LRRC4C: variants seen among roughly 807,000 people sequenced by gnomAD.
LRRC4C encodes the protein leucine-rich repeat-containing protein 4C.
In LRRC4C, 5 loss-of-function variants were observed where a neutral mutation model predicts 33.6. The observed-to-expected ratio is 0.15, with a 90% CI of 0.08 to 0.31. The LOEUF (loss-of-function observed/expected upper bound fraction) is 0.31, where lower values mean the gene tolerates loss of function less well. Ranked by LOEUF, LRRC4C falls within the 10% of genes least tolerant of loss-of-function variation. The probability of loss-of-function intolerance (pLI) is 1.00; values close to 1 mark genes in which losing one functional copy is unlikely to be tolerated. For missense variants in LRRC4C, 560 were observed against 796.7 expected, an observed-to-expected ratio of 0.70 and a Z score of 3.58; for synonymous variants, 329 against 302.0, an observed-to-expected ratio of 1.09 and a Z score of -0.93.
chr11:40,645,438 C>T (rs1353972268), intron 3 of LRRC4C, among the ~76,000 whole-genome samples: 1 of 152,046 alleles, frequency 6.6e-6, no homozygotes, highest in Non-Finnish European at 1.5e-5. Flanking sequence ...TTTTCCTTTG[C>T]CACCTGGCTC....
chr11:40,863,330 A>C (rs1954194849), intron 2 of LRRC4C, among the ~76,000 whole-genome samples: 1 of 152,308 alleles, frequency 6.6e-6, no homozygotes, highest in African/African-American at 2.4e-5. Context: ...AGAAAATGGA[A>C]AGGCTCATTC....
intron 1 of LRRC4C, among the ~76,000 whole-genome samples, chr11:41,081,907 G>A (rs912189469): frequency 2.0e-5 from 3 of 152,188 alleles, no homozygotes; most frequent in Non-Finnish European, 4.4e-5. Flanking sequence ...ATTTATGGCT[G>A]CTCTGGGATA....
intron 3 of LRRC4C, among the ~76,000 whole-genome samples, chr11:40,553,233 G>C (rs894406158): frequency 6.6e-6 from 1 of 151,914 alleles, no homozygotes; most frequent in Non-Finnish European, 1.5e-5. Flanking sequence ...TATCGCGCCA[G>C]TGCACTCCAG....
intron 1 of LRRC4C, among the ~76,000 whole-genome samples, chr11:41,232,476 CCTGGTTATCAATCA>C (rs1441258546): frequency 4.6e-5 from 7 of 151,960 alleles, no homozygotes; most frequent in Non-Finnish European, 1.0e-4. Flanking sequence ...GGTGGGGATT[CCTGGTTATCAATCA>C]CTGTTTTAAA....
chr11:41,310,895 CT>C (rs1950625837), intron 1 of LRRC4C, among the ~76,000 whole-genome samples: 1 of 152,188 alleles, frequency 6.6e-6, no homozygotes, highest in Non-Finnish European at 1.5e-5. Context: ...CTTTAGTACA[CT>C]GGTTCTAATA....
At chr11:40,451,680 C>G (rs932301532) in intron 3 of LRRC4C, among the ~76,000 whole-genome samples, 1 of 151,878 alleles carries the variant, frequency 6.6e-6, no homozygotes, top group African/African-American at 2.4e-5. Context: ...CCACTGCACC[C>G]GGCCAGAAAT....
chr11:41,101,327 A>G (rs533196817), intron 1 of LRRC4C, among the ~76,000 whole-genome samples: 4 of 152,262 alleles, frequency 2.6e-5, no homozygotes, highest in African/African-American at 7.2e-5. Flanking sequence ...ACCATTTAAA[A>G]GTGGACAAAG....
chr11:41,230,334 G>A (rs987613956), intron 1 of LRRC4C, among the ~76,000 whole-genome samples: 3 of 152,080 alleles, frequency 2.0e-5, no homozygotes, highest in African/African-American at 7.2e-5. Context: ...ACCTTGGAAT[G>A]AGGCACTGTC....
intron 1 of LRRC4C, among the ~76,000 whole-genome samples, chr11:41,350,038 T>C (rs1450566322): frequency 6.6e-6 from 1 of 152,124 alleles, no homozygotes; most frequent in Non-Finnish European, 1.5e-5. Flanking sequence ...CAGTATCACA[T>C]GTCATAAGTC....
chr11:40,552,996 T>G (rs1277866723), intron 3 of LRRC4C, among the ~76,000 whole-genome samples: 1 of 152,056 alleles, frequency 6.6e-6, no homozygotes, highest in Non-Finnish European at 1.5e-5. Context: ...TCAGGCCGGG[T>G]GCGGTAACTC....
intron 2 of LRRC4C, among the ~76,000 whole-genome samples, chr11:40,839,305 G>T (rs966577970): frequency 1.3e-5 from 2 of 151,996 alleles, no homozygotes; most frequent in African/African-American, 4.8e-5. Context: ...CACAATCTCG[G>T]CTTACTGCAA....
chr11:40,414,794 C>T (rs991855420), intron 3 of LRRC4C, among the ~76,000 whole-genome samples: 3 of 151,948 alleles, frequency 2.0e-5, no homozygotes, highest in African/African-American at 7.3e-5. Context: ...CAGACACAAC[C>T]AGAAGAGGAG....
At chr11:40,353,121 T>G (rs983123375) in intron 3 of LRRC4C, among the ~76,000 whole-genome samples, 3 of 152,190 alleles carry the variant, frequency 2.0e-5, no homozygotes, top group Admixed American at 2.0e-4. Context: ...AATATCTTTC[T>G]CTAGGTATAA....
chr11:41,078,842 A>T (rs566384308), intron 1 of LRRC4C, among the ~76,000 whole-genome samples: 1 of 152,036 alleles, frequency 6.6e-6, no homozygotes, highest in Non-Finnish European at 1.5e-5. Context: ...CTGTATCTTC[A>T]ATTTCTAAAT....
At chr11:41,170,041 A>G (rs1944902866) in intron 1 of LRRC4C, among the ~76,000 whole-genome samples, 1 of 152,160 alleles carries the variant, frequency 6.6e-6, no homozygotes, top group Non-Finnish European at 1.5e-5. Flanking sequence ...AAGGATAAAT[A>G]TAATTTACAT....
At chr11:40,701,509 T>C (rs1449740437) in intron 2 of LRRC4C, among the ~76,000 whole-genome samples, 2 of 151,740 alleles carry the variant, frequency 1.3e-5, no homozygotes, top group Non-Finnish European at 2.9e-5. Context: ...TCCGTACTTA[T>C]GTGATGGCAA....
At chr11:40,701,647 T>TAA (rs1227047259) in intron 2 of LRRC4C, among the ~76,000 whole-genome samples, 1 of 149,272 alleles carries the variant, frequency 6.7e-6, no homozygotes, top group Non-Finnish European at 1.5e-5. Flanking sequence ...TATATATATA[T>TAA]AAAACATAAA....
intron 2 of LRRC4C, among the ~76,000 whole-genome samples, chr11:40,777,774 G>A (rs557548723): frequency 1.7e-4 from 25 of 151,490 alleles, no homozygotes; most frequent in Admixed American, 5.3e-4. Context: ...TGCAAGCTCC[G>A]CCTCCCGAGT....
intron 5 of LRRC4C, among the ~76,000 whole-genome samples, chr11:40,225,618 T>TC (rs1554980140): frequency 2.5e-5 from 2 of 81,068 alleles, no homozygotes; most frequent in Non-Finnish European, 7.1e-5. Flanking sequence ...TCTCTCTCTC[T>TC]CTTTTTTTTT....
Sources: allele counts gnomAD v4.1 joint callset (sites outside exome capture counted in the v4.1 genomes callset), GRCh38; gene constraint gnomAD v4.1.1; transcripts MANE v1.5; gene names NCBI Gene and HGNC (gene_info 2026-07-23, HGNC 2026-07-21).